SH3GLB2: variants seen among roughly 807,000 people sequenced by gnomAD.
SH3GLB2 encodes endophilin-B2.
In SH3GLB2, 24 loss-of-function variants were observed where a neutral mutation model predicts 48.0. That is an observed-to-expected ratio of 0.50 (90% CI 0.36 to 0.70). The LOEUF (loss-of-function observed/expected upper bound fraction) is 0.70, where lower values mean the gene tolerates loss of function less well. Ranked by LOEUF, SH3GLB2 falls within the 30% of genes least tolerant of loss-of-function variation. The probability of loss-of-function intolerance (pLI) is 0.00; values close to 1 mark genes in which losing one functional copy is unlikely to be tolerated. For missense variants in SH3GLB2, 425 were observed against 516.0 expected, an observed-to-expected ratio of 0.82 and a Z score of 1.71; for synonymous variants, 227 against 207.6, an observed-to-expected ratio of 1.09 and a Z score of -0.80.
At chr9:129,018,104 A>C (rs1296948880) in intron 3 of SH3GLB2, among the ~76,000 whole-genome samples, 1 of 152,042 alleles carries the variant, frequency 6.6e-6, no homozygotes, top group Non-Finnish European at 1.5e-5. Context: ...AATAATAATA[A>C]TACTAACATA....
In SH3GLB2 at chr9:129,014,361, C is replaced by A. The variant is rs1243696901; in HGVS notation, c.561+50G>T. 1 of 1,520,790 alleles carries A rather than the reference C, an allele frequency of 6.6e-7. No individual in the cohort carries two copies. Among genetic ancestry groups the A allele is most frequent in the South Asian group, 1.2e-5 (1 of 83,448 alleles). The allele number at this position is 1,520,790 out of a possible 1,614,324, so 94.2% of individuals were successfully genotyped here. A position where few individuals can be genotyped will look rare whatever the true frequency, so the allele number is the denominator to read the frequency against. ...GTCCCTTCATGCCACCACCCCTTGG[C>A]TCCAGCCAGAGCCTGGGCCAGGAGG... On this transcript the variant is annotated intron_variant, in intron 5 of 10. Transcript: ENST00000372564. This position sits in a 1 kb window ranked among gnomAD's most constrained non-coding sequence, Gnocchi z 4.1.
chr9:129,018,381 G>T (rs182243081), intron 3 of SH3GLB2, among the ~76,000 whole-genome samples: 56 of 151,958 alleles, frequency 3.7e-4, no homozygotes, highest in East Asian at 1.7e-3. Flanking sequence ...TTCAAGACCA[G>T]CCTGGCCAAC....
chr9:129,018,875 G>C (rs1843612314), intron 3 of SH3GLB2, among the ~76,000 whole-genome samples: 1 of 149,494 alleles, frequency 6.7e-6, no homozygotes, highest in Non-Finnish European at 1.5e-5. Context: ...CTGGGTGACA[G>C]AGTGAGACTC....
chr9:129,024,256 CAAAAAAA>C (rs1169096733), intron 1 of SH3GLB2, among the ~76,000 whole-genome samples: 8 of 54,520 alleles, frequency 1.5e-4, no homozygotes, highest in African/African-American at 3.9e-4. Context: ...CTCCTCTCTA[CAAAAAAA>C]AAAAAAAAAA....
chr9:129,023,259 C>T (rs961024746), intron 1 of SH3GLB2, among the ~76,000 whole-genome samples: 11 of 152,110 alleles, frequency 7.2e-5, no homozygotes, highest in Admixed American at 3.3e-4. Context: ...TCAGAGCCAG[C>T]GGCTGGGCAC....
rs944369809 is a variant in SH3GLB2, at chr9:129,012,230, G to A, written c.624+6C>T. ...GAGGGGTGGGGTGGGGGTGGGGTGC[G>A]CTTACCGCGGAGGCGCTGGCCGAGA... is the stretch of plus-strand genomic sequence containing the variant. On this transcript the variant is annotated splice_donor_region_variant and intron_variant, in intron 6 of 10. Transcript: ENST00000372564. 9 of 1,279,138 alleles carry A rather than the reference G, an allele frequency of 7.0e-6. No homozygotes were observed. The East Asian group carries it at 8.9e-5, about 13-fold the overall frequency. 79.2% of individuals were successfully genotyped at this position (1,279,138 alleles called of 1,614,324 possible).
At chr9:129,017,954 G>A (rs917841038) in intron 3 of SH3GLB2, among the ~76,000 whole-genome samples, 1 of 151,092 alleles carries the variant, frequency 6.6e-6, no homozygotes, top group African/African-American at 2.4e-5. Flanking sequence ...GCGTGATGGT[G>A]CGTGCCTGTA....
At position 129,013,792 on chromosome 9, in the gene SH3GLB2, ACCCTTGGGCCCAGCT is replaced by A. The variant is rs1843259868; in HGVS notation, c.561+604_561+618del. 3.3e-5 allele frequency: 8 copies of A among 242,628 alleles called. No individual in the cohort carries two copies. In the South Asian group the frequency reaches 3.3e-4, roughly 10 times the overall value. The allele number at this position is 242,628 out of a possible 1,614,324, so 15.0% of individuals were successfully genotyped here. A position where few individuals can be genotyped will look rare whatever the true frequency, so the allele number is the denominator to read the frequency against. Reference sequence around the variant, plus strand: ...AACCTCTTGTGCCAGGAGGGTGTTCACCCTTGGGCCCAGCTCCTCCAATCCTGGCCTCGCCCTGGG... The same window carrying A: ...AACCTCTTGTGCCAGGAGGGTGTTCACCTCCAATCCTGGCCTCGCCCTGGG... On this transcript the variant is annotated intron_variant, in intron 5 of 10. Coordinates refer to ENST00000372564, the MANE Select transcript of SH3GLB2 (RefSeq NM_020145.4).
In SH3GLB2 at chr9:129,012,259, T is replaced by C. The variant is rs754088561; in HGVS notation, c.601A>G (p.Ile201Val). Residue 201 changes from isoleucine to valine, a missense_variant, in exon 6 of 11, where the codon ATT becomes GTT. Ile to Val is a conservative substitution (Grantham distance 29). Transcript: ENST00000372564. The part of the protein sequence containing the change: ...DFQETRPRNY[I>V]LSASASALWN... ...ACCGCGGAGGCGCTGGCCGAGAGAA[T>C]GTAATTACGAGGTCTAGTCTCCTGA... 1.0e-5 allele frequency: 13 copies of C among 1,298,030 alleles called. 1 individual carries two copies. The South Asian group carries it at 4.1e-4, about 41-fold the overall frequency. The allele number at this position is 1,298,030 out of a possible 1,614,324, so 80.4% of individuals were successfully genotyped here.
In SH3GLB2 at chr9:129,009,187, AG is replaced by A. The variant is rs780247761; in HGVS notation, c.998del (p.Pro333LeufsTer111). On this transcript the variant is annotated frameshift_variant, in exon 10 of 11. Transcript: ENST00000372564. LOFTEE classifies it high-confidence loss of function. ...ASLCLEEVAP[P>X]ASGTRKARVL... ...CCCGAGCTTTGCGGGTCCCACTGGC[AG>A]GGGGGGCCACCTCTTCCAGGCAGAG... 9 of 1,611,010 alleles carry A rather than the reference AG, an allele frequency of 5.6e-6. No homozygotes were observed. Among genetic ancestry groups the A allele is most frequent in the African/African-American group, 4.0e-5 (3 of 74,892 alleles).
chr9:129,014,973 C>T lies in SH3GLB2; in HGVS notation c.335-69G>A. On this transcript the variant is annotated intron_variant, in intron 3 of 10. Transcript: ENST00000372564. The surrounding 1 kb of genome is among the most constrained non-coding windows in gnomAD (Gnocchi z 4.1). ...GGCTACTCTGATCTACAGGAGAGGGCTCAGGAAGAGCTTGCTGAAGAGCAA... is the reference window on the plus strand; with the variant it reads ...GGCTACTCTGATCTACAGGAGAGGGTTCAGGAAGAGCTTGCTGAAGAGCAA... The T allele has an allele frequency of 6.4e-7, 1 of 1,555,160 alleles. No homozygotes were observed. Among genetic ancestry groups the T allele is most frequent in the East Asian group, 2.3e-5 (1 of 44,420 alleles).
chr9:129,015,412 C>CA (rs898544244), intron 3 of SH3GLB2, among the ~76,000 whole-genome samples: 4 of 152,056 alleles, frequency 2.6e-5, no homozygotes, highest in African/African-American at 9.7e-5. Flanking sequence ...TTGACCAAGG[C>CA]AAAAAACAAA....
At chr9:129,012,973 G>A (rs548905557) in intron 5 of SH3GLB2, 149 of 1,550,922 alleles carry the variant, frequency 9.6e-5, no homozygotes, top group Non-Finnish European at 1.1e-4. Context: ...TGGGCAGACC[G>A]GAAGCAGCAC....
chr9:129,009,044 C>T, intron 10 of SH3GLB2, 62 bp downstream of exon 10: 2 of 1,595,312 alleles, frequency 1.3e-6, no homozygotes, highest in Admixed American at 1.7e-5. Context: ...GTGCCTGATC[C>T]CAGTGCCCAG....
rs1392952497 is a variant in SH3GLB2 at position 129,014,923 on chromosome 9, A to G, written c.335-19T>C. ...GTCTTCCCTGAGAAAACAGAGTTGA[A>G]GCGTGAGGAAGAAGGTCAGGCTCAG... On this transcript the variant is annotated intron_variant, in intron 3 of 10. Transcript: ENST00000372564. This position sits in a 1 kb window ranked among gnomAD's most constrained non-coding sequence, Gnocchi z 4.1. 6.2e-7 allele frequency: 1 copy of G among 1,609,862 alleles called. No individual in the cohort carries two copies. The highest frequency in any genetic ancestry group is 1.3e-5 in the African/African-American group (1 of 74,820).
chr9:129,009,543 A>G, intron 9 of SH3GLB2, 197 bp from the exon 10 acceptor site: 1 of 1,547,492 alleles, frequency 6.5e-7, no homozygotes, highest in South Asian at 1.2e-5. Flanking sequence ...CATCCTCCCC[A>G]CCCAGGCATT....
chr9:129,024,301 CCT>C (rs1844004967), intron 1 of SH3GLB2, among the ~76,000 whole-genome samples: 1 of 150,652 alleles, frequency 6.6e-6, no homozygotes, highest in Non-Finnish European at 1.5e-5. Flanking sequence ...GTGGCTTATG[CCT>C]ATAATCCCAG....
In SH3GLB2 at chr9:129,008,412, C is replaced by T. The variant is rs1377174218; in HGVS notation, c.*272G>A. 2.4e-6 allele frequency: 1 copy of T among 424,346 alleles called. No homozygotes were observed. Among genetic ancestry groups the T allele is most frequent in the Non-Finnish European group, 4.4e-6 (1 of 224,918 alleles). 26.3% of individuals were successfully genotyped at this position (424,346 alleles called of 1,614,324 possible). ...CTGAGTGCAGCTGCTGCAGACAGCCCCTCCCTCCTTAGTGGAGCCTGGAGG... is the reference window on the plus strand; with the variant it reads ...CTGAGTGCAGCTGCTGCAGACAGCCTCTCCCTCCTTAGTGGAGCCTGGAGG... On this transcript the variant is annotated 3_prime_UTR_variant, in exon 11 of 11. Coordinates refer to ENST00000372564, the MANE Select transcript of SH3GLB2 (RefSeq NM_020145.4).
chr9:129,014,582 C>A lies in SH3GLB2; in HGVS notation c.469-79G>T. 2 of 1,498,156 alleles carry A rather than the reference C, an allele frequency of 1.3e-6. No homozygotes were observed. The highest frequency in any genetic ancestry group is 1.8e-6 in the Non-Finnish European group (2 of 1,097,942). 92.8% of individuals were successfully genotyped at this position (1,498,156 alleles called of 1,614,324 possible). On this transcript the variant is annotated intron_variant, in intron 4 of 10. Transcript: ENST00000372564. The surrounding 1 kb of genome is among the most constrained non-coding windows in gnomAD (Gnocchi z 4.1). ...GAGCCATGCATGGCAAGATTGGTGC[C>A]GGGGACGATCAAGTCAAGATAGGGA... is the stretch of plus-strand genomic sequence containing the variant.
Sources: gnomAD v4.1 joint callset for allele counts (sites outside exome capture counted in the v4.1 genomes callset) on GRCh38, gnomAD v4.1.1 for gene constraint, Gnocchi (gnomAD v3.1) non-coding constraint, MANE v1.5 for transcripts, NCBI Gene and HGNC (gene_info 2026-07-23, HGNC 2026-07-21) for gene names.